CNST: variants seen among roughly 807,000 people sequenced by gnomAD.
The protein encoded by CNST is consortin.
In CNST, 39 loss-of-function variants were observed where a neutral mutation model predicts 72.4. That is an observed-to-expected ratio of 0.54 (90% CI 0.42 to 0.70). The LOEUF (loss-of-function observed/expected upper bound fraction) is 0.70, where lower values mean the gene tolerates loss of function less well. Among genes scored for constraint, CNST ranks in the 30% least tolerant of loss-of-function variants. CNST has a pLI of 0.00. For synonymous variants in CNST, 332 were observed against 320.1 expected (o/e 1.04, Z -0.40); for missense variants, 871 against 868.5 (o/e 1.00, Z -0.04).
chr1:246,645,410 TA>T (rs1340342748), intron 8 of CNST, among the ~76,000 whole-genome samples: 2 of 147,462 alleles, frequency 1.4e-5, no homozygotes, highest in African/African-American at 5.0e-5. Flanking sequence ...CATATTAGTA[TA>T]AAAAGGTTAA....
At chr1:246,610,344 A>G (rs1024374198) in intron 2 of CNST, among the ~76,000 whole-genome samples, 4 of 152,072 alleles carry the variant, frequency 2.6e-5, no homozygotes, top group African/African-American at 9.7e-5. Context: ...TTTTTTATTG[A>G]TATTCTCATT....
At chr1:246,641,650 A>C (rs1665695936) in intron 6 of CNST, 99 bp from the exon 7 acceptor site, 1 of 707,846 alleles carries the variant, frequency 1.4e-6, no homozygotes, top group African/African-American at 1.8e-5. Context: ...GAATCCAGAG[A>C]AGCTGTATTT....
intron 2 of CNST, among the ~76,000 whole-genome samples, chr1:246,594,320 TTTAAAG>T (rs919828320): frequency 1.7e-4 from 26 of 152,310 alleles, no homozygotes; most frequent in African/African-American, 6.3e-4. Context: ...CAGCTTATAA[TTTAAAG>T]TTATTTAGTA....
At chr1:246,593,465 T>C (rs1385461918) in intron 2 of CNST, among the ~76,000 whole-genome samples, 1 of 151,948 alleles carries the variant, frequency 6.6e-6, no homozygotes, top group African/African-American at 2.4e-5. Context: ...CTCAGCCTCC[T>C]GAGTAGCTGG....
chr1:246,636,616 A>G (rs922694512), intron 6 of CNST, among the ~76,000 whole-genome samples: 3 of 152,334 alleles, frequency 2.0e-5, no homozygotes, highest in Middle Eastern at 6.8e-3. Flanking sequence ...TGCTTTGGCT[A>G]TAATCCATTC....
intron 2 of CNST, among the ~76,000 whole-genome samples, chr1:246,614,292 TTGAC>T (rs1247601123): frequency 1.3e-5 from 2 of 152,170 alleles, no homozygotes; most frequent in African/African-American, 2.4e-5. Flanking sequence ...AAATAAAACT[TTGAC>T]TGTAACCTCT....
At chr1:246,612,694 C>T (rs566098140) in intron 2 of CNST, among the ~76,000 whole-genome samples, 1 of 152,162 alleles carries the variant, frequency 6.6e-6, no homozygotes, top group South Asian at 2.1e-4. Context: ...CGAGACCAGT[C>T]TGAGCAACAT....
At chr1:246,605,303 C>T (rs7530067) in intron 2 of CNST, among the ~76,000 whole-genome samples, 2 of 152,196 alleles carry the variant, frequency 1.3e-5, no homozygotes, top group African/African-American at 2.4e-5. Context: ...TGGCTAGGCA[C>T]GGTGACTCAC....
chr1:246,604,878 A>G (rs1487487916), intron 2 of CNST, among the ~76,000 whole-genome samples: 5 of 152,190 alleles, frequency 3.3e-5, no homozygotes, highest in Non-Finnish European at 7.3e-5. Context: ...CATATTGGCC[A>G]GGCTGGTCTC....
chr1:246,580,607 G>A lies in CNST; in HGVS notation c.-51-10905G>A, dbSNP rs1387180638. 1.3e-5 allele frequency among the ~76,000 whole-genome samples: 2 copies of A among 152,114 alleles called. 1 individual carries two copies. The highest frequency in any genetic ancestry group is 3.8e-4 in the East Asian group (2 of 5,200). On this transcript the variant is annotated intron_variant, in intron 1 of 10. Transcript: ENST00000366513. ...TTCATAGCAGACCTTCAAATATTTG[G>A]TTGGCTTCATGCAAAAAGGAGGTAT...
intron 8 of CNST, among the ~76,000 whole-genome samples, chr1:246,643,042 C>T (rs1260158618): frequency 4.0e-5 from 6 of 150,342 alleles, no homozygotes; most frequent in East Asian, 2.0e-4. Context: ...GCACACACCA[C>T]GGCGCCCCAG....
chr1:246,600,065 G>A (rs2103037189), intron 2 of CNST, among the ~76,000 whole-genome samples: 1 of 152,324 alleles, frequency 6.6e-6, no homozygotes, highest in Non-Finnish European at 1.5e-5. Context: ...TCTAAGCTGA[G>A]TTAGGACAAA....
At chr1:246,643,103 G>C (rs1044485990) in intron 8 of CNST, among the ~76,000 whole-genome samples, 5 of 151,678 alleles carry the variant, frequency 3.3e-5, no homozygotes, top group Non-Finnish European at 7.4e-5. Flanking sequence ...TGTTGCTCAG[G>C]CTGGTCTGGA....
chr1:246,646,878 A>G (rs1029997849), intron 8 of CNST, among the ~76,000 whole-genome samples: 3 of 152,220 alleles, frequency 2.0e-5, no homozygotes, highest in African/African-American at 7.2e-5. Context: ...ACCTTTGAAA[A>G]TGACTTTGTT....
chr1:246,580,110 T>C (rs1660689788), intron 1 of CNST, among the ~76,000 whole-genome samples: 1 of 152,220 alleles, frequency 6.6e-6, no homozygotes, highest in African/African-American at 2.4e-5. Context: ...ACGGGGCTTA[T>C]CTTCTTGAAA....
At chr1:246,572,715 G>T (rs868238444) in intron 1 of CNST, among the ~76,000 whole-genome samples, 5 of 152,006 alleles carry the variant, frequency 3.3e-5, no homozygotes, top group Middle Eastern at 3.2e-3. Context: ...GTGATATGTG[G>T]TTTTTTTAAT....
At chr1:246,602,135 G>T (rs1015104504) in intron 2 of CNST, among the ~76,000 whole-genome samples, 1 of 152,198 alleles carries the variant, frequency 6.6e-6, no homozygotes, top group Non-Finnish European at 1.5e-5. Context: ...GGAGTGTTGG[G>T]AAAGGTGTTT....
chr1:246,619,787 T>C (rs1005760515), intron 2 of CNST, among the ~76,000 whole-genome samples: 4 of 152,210 alleles, frequency 2.6e-5, no homozygotes, highest in East Asian at 1.9e-4. Flanking sequence ...TCCAAAGATA[T>C]GAACTACAGG....
intron 4 of CNST, chr1:246,632,161 T>G (rs4593789): frequency 0.44 from 175,137 of 394,336 alleles, 42,540 homozygotes; most frequent in African/African-American, 0.69. Context: ...GGCCTTAATT[T>G]TACTAAAATA....
Sources: gnomAD v4.1 joint callset for allele counts (sites outside exome capture counted in the v4.1 genomes callset) on GRCh38, gnomAD v4.1.1 for gene constraint, MANE v1.5 for transcripts, NCBI Gene and HGNC (gene_info 2026-07-23, HGNC 2026-07-21) for gene names.